The following PATL1 variants were observed in gnomAD, a reference collection of about 807,000 sequenced individuals.
PATL1 encodes protein PAT1 homolog 1.
PATL1 carries 32 observed loss-of-function variants against 100.6 expected under a neutral mutation model. The observed-to-expected ratio is 0.32, with a 90% confidence interval of 0.24 to 0.43. The LOEUF is 0.43. Ranked by LOEUF, PATL1 falls within the 20% of genes least tolerant of loss-of-function variation. The pLI, the probability that PATL1 is intolerant of heterozygous loss-of-function variation, is 1.00. For missense variants in PATL1, 747 were observed against 949.9 expected (o/e 0.79, Z 2.81); for synonymous variants, 332 against 330.0 (o/e 1.01, Z -0.07).
At chr11:59,655,869 G>C in intron 7 of PATL1, 87 bp downstream of exon 7, 1 of 1,348,114 alleles carries the variant, frequency 7.4e-7, no homozygotes, top group South Asian at 1.3e-5. Context: ...TAAAAGTAGT[G>C]ATTAACAGCA....
chr11:59,650,804 C>G lies in PATL1; in HGVS notation c.1534G>C (p.Glu512Gln). ...TSRSEDDETK[E>Q]KQVRDKRRKT... is the part of the protein sequence containing the mutation. ...CTCCTCTTGTCTCGAACTTGTTTTT[C>G]TTTTGTCTCCTAAAAAAGAGAAGAC... The change falls in exon 13 of 19, where the codon GAA becomes CAA. Residue 512 changes from glutamate to glutamine, a missense_variant. This residue lies in a region of PATL1 where 434 missense variants were observed against 596.1 expected (regional missense o/e 0.73). Coordinates refer to ENST00000300146, the MANE Select transcript of PATL1 (RefSeq NM_152716.3). 6.4e-7 allele frequency: 1 copy of G among 1,551,792 alleles called. No homozygotes were observed.
chr11:59,651,659 A>T lies in PATL1; in HGVS notation c.1427-18T>A. On this transcript the variant is annotated intron_variant, in intron 11 of 18. Transcript: ENST00000300146. ...AAATTGCACTGCAAAGACAAAAAAA[A>T]AAAAAATTCCAACAAAATAAAAAGT... 3 of 1,539,132 alleles carry T rather than the reference A, an allele frequency of 1.9e-6. No individual in the cohort carries two copies. Among genetic ancestry groups the T allele is most frequent in the Non-Finnish European group, 2.7e-6 (3 of 1,130,350 alleles).
chr11:59,656,480 T>G lies in PATL1; in HGVS notation c.723+19A>C. On this transcript the variant is annotated intron_variant, in intron 6 of 18. Transcript: ENST00000300146. ...GAAAATACATACTGCACATTTTTGT[T>G]AGGCTTAAAGTGACATACCGGGACA... is the stretch of plus-strand genomic sequence containing the variant. 6.3e-7 allele frequency: 1 copy of G among 1,592,336 alleles called. No homozygotes were observed. Among genetic ancestry groups the G allele is most frequent in the Non-Finnish European group, 8.6e-7 (1 of 1,161,014 alleles).
At chr11:59,639,561 T>C in intron 16 of PATL1, 178 bp from the exon 17 acceptor site, 1 of 572,970 alleles carries the variant, frequency 1.7e-6, no homozygotes, top group Middle Eastern at 4.7e-4. Flanking sequence ...GCTATGTCTC[T>C]CTCCAGGCTT....
chr11:59,660,772 CTG>C (rs1212481610), intron 2 of PATL1, among the ~76,000 whole-genome samples: 3 of 152,212 alleles, frequency 2.0e-5, no homozygotes, highest in Non-Finnish European at 4.4e-5. Flanking sequence ...AAGAATCACT[CTG>C]GCTGCTGTGC....
chr11:59,659,579 T>C, intron 2 of PATL1, 110 bp from the exon 3 acceptor site: 1 of 1,011,792 alleles, frequency 9.9e-7, no homozygotes, highest in Non-Finnish European at 1.4e-6. Flanking sequence ...TCGCCCAGGC[T>C]GCAGTGCAGT....
intron 15 of PATL1, 41 bp downstream of exon 15, chr11:59,647,711 TTA>T (rs1491283372): frequency 6.3e-7 from 1 of 1,596,510 alleles, no homozygotes; most frequent in Admixed American, 1.7e-5. Context: ...ATCTTATCAC[TTA>T]TAAAGACTCA....
Position 59,652,829 on chromosome 11 carries a change from A to G in PATL1, c.1302+9T>C. 6.2e-7 allele frequency: 1 copy of G among 1,610,964 alleles called. No homozygotes were observed. The highest frequency in any genetic ancestry group is 8.5e-7 in the Non-Finnish European group (1 of 1,178,212). ...ACTATTATCCTCAAAACTAGCACAG[A>G]GTATTTACCTGGTAATAAAAATCAT... On this transcript the variant is annotated intron_variant, in intron 10 of 18. Coordinates refer to ENST00000300146, the MANE Select transcript of PATL1 (RefSeq NM_152716.3).
intron 2 of PATL1, among the ~76,000 whole-genome samples, chr11:59,664,200 T>C (rs1024487541): frequency 6.6e-6 from 1 of 152,234 alleles, no homozygotes; most frequent in Non-Finnish European, 1.5e-5. Context: ...GTAAACCTAA[T>C]GGCTTTTTCA....
At chr11:59,661,327 C>G (rs942742551) in intron 2 of PATL1, among the ~76,000 whole-genome samples, 3 of 152,176 alleles carry the variant, frequency 2.0e-5, no homozygotes, top group Non-Finnish European at 2.9e-5. Flanking sequence ...CTCAAGCAAT[C>G]CACCTGCAAC....
chr11:59,653,093 G>T, intron 9 of PATL1, 75 bp from the exon 10 acceptor site: 5 of 1,248,340 alleles, frequency 4.0e-6, no homozygotes, highest in South Asian at 3.9e-5. Flanking sequence ...AATAAACCAG[G>T]CCAGTTTTTT....
In PATL1 at chr11:59,657,654, C is replaced by T. The variant is rs1413475614; in HGVS notation, c.497G>A (p.Arg166Gln). The T allele has an allele frequency of 8.7e-6, 14 of 1,613,414 alleles. No homozygotes were observed. Among genetic ancestry groups the T allele is most frequent in the Admixed American group, 3.3e-5 (2 of 59,998 alleles). ...QRPPQGPEDDRDLSERALPRR... is the reference protein window; with the variant it reads ...QRPPQGPEDDQDLSERALPRR... Reference sequence around the variant, plus strand: ...TGGTAATGCTCGTTCAGAAAGGTCCCGATCATCTTCTGGACCCTGGGGGGG... The same window carrying T: ...TGGTAATGCTCGTTCAGAAAGGTCCTGATCATCTTCTGGACCCTGGGGGGG... Residue 166 changes from arginine to glutamine, a missense_variant, in exon 5 of 19, where the codon CGG becomes CAG. This residue lies in a region of PATL1 where 183 missense variants were observed against 221.2 expected (regional missense o/e 0.83). Transcript: ENST00000300146.
chr11:59,655,674 C>A lies in PATL1; in HGVS notation c.880G>T (p.Ala294Ser). 1 of 1,605,218 alleles carries A rather than the reference C, an allele frequency of 6.2e-7. No individual in the cohort carries two copies. The highest frequency in any genetic ancestry group is 1.1e-5 in the South Asian group (1 of 89,190). Residue 294 changes from alanine (A) to serine (S), a missense_variant, in exon 8 of 19, where the codon GCT becomes TCT. This residue lies in a region of PATL1 where 434 missense variants were observed against 596.1 expected (regional missense o/e 0.73). Transcript: ENST00000300146. ...RVPGFVGSPL[A>S]AMNPKLLQGR... ...TGTAGCAACTTGGGATTCATGGCAG[C>A]AAGTGGACTACCAACAAATCCAGGG...
At position 59,663,162 on chromosome 11, in the gene PATL1, T is replaced by C. The variant is rs563454995; in HGVS notation, c.127+3691A>G. On this transcript the variant is annotated intron_variant, in intron 2 of 18. Coordinates refer to ENST00000300146, the MANE Select transcript of PATL1 (RefSeq NM_152716.3). ...CATTATTGGTCAAAATGATAAAAGG[T>C]AGGCAAAAGAATAACAGACAAATGA... Among the ~76,000 whole-genome samples the C allele has an allele frequency of 2.0e-5, 3 of 152,226 alleles. No individual in the cohort carries two copies. In the South Asian group the frequency reaches 6.2e-4, roughly 32 times the overall value.
chr11:59,664,465 C>T (rs1201707102), intron 2 of PATL1, among the ~76,000 whole-genome samples: 3 of 152,120 alleles, frequency 2.0e-5, no homozygotes, highest in Non-Finnish European at 4.4e-5. Context: ...CATTTTAATA[C>T]TGAAGAATTT....
Position 59,655,537 on chromosome 11 carries a change from G to A in PATL1, c.1017C>T (p.His339=). The A allele has an allele frequency of 1.9e-6, 3 of 1,577,228 alleles. No individual in the cohort carries two copies. The highest frequency in any genetic ancestry group is 1.9e-5 in the Admixed American group (1 of 53,720). ...PQQHPPGPGP[H]LQNLRSQAPM... ...ATTTTGTATACCTTAGGTTTTGCAG[G>A]TGGGGTCCTGGGCCAGGAGGGTGCT... Residue 339 remains histidine, a synonymous_variant, in exon 8 of 19, where the codon CAC becomes CAT. Coordinates refer to ENST00000300146, the MANE Select transcript of PATL1 (RefSeq NM_152716.3).
At position 59,639,381 on chromosome 11, in the gene PATL1, A is replaced by G. The variant is rs1861242283; in HGVS notation, c.2052T>C (p.Phe684=). The change falls in exon 17 of 19, where the codon TTT becomes TTC. Residue 684 remains phenylalanine (F), a splice_region_variant and synonymous_variant. Coordinates refer to ENST00000300146, the MANE Select transcript of PATL1 (RefSeq NM_152716.3). ...PHLTAVLQNK[F]GLSLLLILLS... ...GGAGGATGAGGAGCAGTGACAGGCCAAACTACGAGAAAAGACAGAGGGAAT... is the reference window on the plus strand; with the variant it reads ...GGAGGATGAGGAGCAGTGACAGGCCGAACTACGAGAAAAGACAGAGGGAAT... 3.2e-6 allele frequency: 5 copies of G among 1,549,638 alleles called. No homozygotes were observed. The South Asian group carries it at 4.8e-5, about 15-fold the overall frequency.
chr11:59,654,633 TTC>T (rs1279434644), intron 8 of PATL1, among the ~76,000 whole-genome samples: 1 of 152,122 alleles, frequency 6.6e-6, no homozygotes, highest in East Asian at 1.9e-4. Context: ...AGCAGTATAA[TTC>T]TTTTTCTTTT....
chr11:59,663,768 C>T (rs1032585358), intron 2 of PATL1, among the ~76,000 whole-genome samples: 1 of 151,964 alleles, frequency 6.6e-6, no homozygotes, highest in African/African-American at 2.4e-5. Context: ...TAGCCAGTGA[C>T]CTAAAATGTC....
Sources: allele counts gnomAD v4.1 joint callset (sites outside exome capture counted in the v4.1 genomes callset), GRCh38; gene constraint gnomAD v4.1.1; regional missense constraint gnomAD v4.1.1; transcripts MANE v1.5; gene names NCBI Gene and HGNC (gene_info 2026-07-23, HGNC 2026-07-21).